The following NRXN3 variants were observed in gnomAD, a reference collection of about 807,000 sequenced individuals.
The protein encoded by NRXN3 is neurexin III.
In NRXN3, 32 loss-of-function variants were observed where a neutral mutation model predicts 137.6. That is an observed-to-expected ratio of 0.23 (90% CI 0.18 to 0.31). The LOEUF is 0.31. NRXN3 is among the 10% of genes least tolerant of loss of function. NRXN3 has a pLI of 1.00. For synonymous variants in NRXN3, 798 were observed against 784.5 expected, an observed-to-expected ratio of 1.02 and a Z score of -0.29; for missense variants, 1,574 against 2,062.5, an observed-to-expected ratio of 0.76 and a Z score of 4.59.
chr14:78,469,306 C>A (rs1158073835), intron 4 of NRXN3, among the ~76,000 whole-genome samples: 1 of 152,064 alleles, frequency 6.6e-6, no homozygotes, highest in Non-Finnish European at 1.5e-5. Flanking sequence ...GATGCCTGGG[C>A]CTCACTACCA....
chr14:79,330,994 G>C (rs1021382292), intron 15 of NRXN3, among the ~76,000 whole-genome samples: 2 of 152,058 alleles, frequency 1.3e-5, no homozygotes, highest in African/African-American at 4.8e-5. Flanking sequence ...TTGGCTAAAC[G>C]AGTATGGTGT....
chr14:79,218,126 A>G (rs969831733), intron 15 of NRXN3, among the ~76,000 whole-genome samples: 13 of 152,162 alleles, frequency 8.5e-5, no homozygotes, highest in Admixed American at 4.6e-4. Flanking sequence ...TTGACTTCTA[A>G]GAATGTAGAA....
Position 78,989,359 on chromosome 14 carries a change from G to A in NRXN3, c.3262+1218G>A, listed in dbSNP as rs143850673. On this transcript the variant is annotated intron_variant, in intron 15 of 20. Coordinates refer to ENST00000335750, the MANE Select transcript of NRXN3 (RefSeq NM_001330195.2). ...GCTGTCTGTTGTTGTTCTTTTTCCC[G>A]TTTTTTCTCAGTAGTTTTGGTCCCA... 5.9e-3 allele frequency among the ~76,000 whole-genome samples: 893 copies of A among 151,964 alleles called. 11 individuals are homozygous for A. Among genetic ancestry groups the A allele is most frequent in the African/African-American group, 0.019 (786 of 41,426 alleles).
chr14:79,788,712 G>A (rs1051273722), intron 19 of NRXN3, among the ~76,000 whole-genome samples: 2 of 152,082 alleles, frequency 1.3e-5, no homozygotes, highest in Non-Finnish European at 2.9e-5. Flanking sequence ...CCCTCAAATA[G>A]CAATCAAGTA....
intron 15 of NRXN3, among the ~76,000 whole-genome samples, chr14:79,084,710 C>T (rs1362109228): frequency 6.6e-6 from 1 of 151,956 alleles, no homozygotes; most frequent in African/African-American, 2.4e-5. Context: ...TTGGTTGGTT[C>T]TTATTTTTGT....
At chr14:78,259,095 G>A (rs1426209725) in intron 2 of NRXN3, among the ~76,000 whole-genome samples, 1 of 146,598 alleles carries the variant, frequency 6.8e-6, no homozygotes, top group Non-Finnish European at 1.5e-5. Context: ...TCGTGCTACT[G>A]CACTCCAGCC....
chr14:79,511,625 C>T lies in NRXN3; in HGVS notation c.3444+44223C>T, dbSNP rs373121734. 5.2e-4 allele frequency among the ~76,000 whole-genome samples: 79 copies of T among 152,252 alleles called. No homozygotes were observed. The South Asian group carries it at 5.6e-3, about 11-fold the overall frequency. On this transcript the variant is annotated intron_variant, in intron 16 of 20. Coordinates refer to ENST00000335750, the MANE Select transcript of NRXN3 (RefSeq NM_001330195.2). ...CATCTCTCTCAGTCTGACCATTGAG[C>T]GCTCTTAGTCAATCTTTGCAAACTT...
chr14:78,278,478 G>A (rs534682828), intron 2 of NRXN3, among the ~76,000 whole-genome samples, 167 bp from the exon 3 acceptor site: 1 of 152,132 alleles, frequency 6.6e-6, no homozygotes, highest in Non-Finnish European at 1.5e-5. Context: ...TTGGGTGAAG[G>A]TGGAACTAAG....
intron 19 of NRXN3, among the ~76,000 whole-genome samples, chr14:79,796,147 CT>C (rs1202590193): frequency 6.6e-6 from 1 of 152,036 alleles, no homozygotes; most frequent in African/African-American, 2.4e-5. Context: ...AAAGCCAGGC[CT>C]TTATATGTAT....
At chr14:78,494,949 A>G (rs2095747126) in intron 4 of NRXN3, among the ~76,000 whole-genome samples, 1 of 152,062 alleles carries the variant, frequency 6.6e-6, no homozygotes, top group African/African-American at 2.4e-5. Context: ...GGTTCTTCTG[A>G]GTAACTCACT....
intron 4 of NRXN3, among the ~76,000 whole-genome samples, chr14:78,547,237 C>G (rs2096644997): frequency 6.6e-6 from 1 of 150,818 alleles, no homozygotes; most frequent in Non-Finnish European, 1.5e-5. Context: ...GACGGAGTCT[C>G]TCTCTGTCGC....
At chr14:78,525,621 A>G (rs1030739877) in intron 4 of NRXN3, among the ~76,000 whole-genome samples, 8 of 152,200 alleles carry the variant, frequency 5.3e-5, no homozygotes, top group African/African-American at 1.9e-4. Flanking sequence ...ACTTCATGCC[A>G]TAATCACTTC....
chr14:78,446,257 A>G (rs1444400579), intron 4 of NRXN3, among the ~76,000 whole-genome samples: 1 of 151,746 alleles, frequency 6.6e-6, no homozygotes, highest in African/African-American at 2.4e-5. Context: ...TTTTTCCCCA[A>G]ATTTTATTTT....
intron 15 of NRXN3, among the ~76,000 whole-genome samples, chr14:79,320,568 C>A (rs1402258949): frequency 6.6e-6 from 1 of 152,104 alleles, no homozygotes; most frequent in Non-Finnish European, 1.5e-5. Context: ...CTGTGATAGG[C>A]CTTTGGGAAT....
chr14:78,667,788 CT>C lies in NRXN3; in HGVS notation c.1221+16472del, dbSNP rs561676051. ...ATCAAATGAGATTGTGATAGATTATCTTTTTTTTTTCTGAGATGAAGTTTTG... is the reference window on the plus strand; with the variant it reads ...ATCAAATGAGATTGTGATAGATTATCTTTTTTTTTCTGAGATGAAGTTTTG... On this transcript the variant is annotated intron_variant, in intron 6 of 20. Transcript: ENST00000335750. Among the ~76,000 whole-genome samples, 46 of 150,212 alleles carry C rather than the reference CT, an allele frequency of 3.1e-4. No individual in the cohort carries two copies. The East Asian group carries it at 7.2e-3, about 24-fold the overall frequency.
intron 15 of NRXN3, among the ~76,000 whole-genome samples, chr14:79,137,487 T>G (rs1227027806): frequency 6.6e-6 from 1 of 152,122 alleles, no homozygotes; most frequent in Admixed American, 6.5e-5. Flanking sequence ...TGGGCAATCA[T>G]GCAGAGCCCT....
chr14:78,606,586 GC>G (rs920142156), intron 4 of NRXN3, among the ~76,000 whole-genome samples: 2 of 152,176 alleles, frequency 1.3e-5, no homozygotes, highest in Non-Finnish European at 2.9e-5. Flanking sequence ...TAAGTGAAAA[GC>G]CATGTTTTAT....
chr14:79,373,355 A>C (rs951071466), intron 15 of NRXN3, among the ~76,000 whole-genome samples: 1 of 152,194 alleles, frequency 6.6e-6, no homozygotes, highest in African/African-American at 2.4e-5. Flanking sequence ...GCAATCCCAG[A>C]ATATTTGACT....
At chr14:78,652,167 C>G (rs932175000) in intron 6 of NRXN3, among the ~76,000 whole-genome samples, 1 of 152,176 alleles carries the variant, frequency 6.6e-6, no homozygotes, top group African/African-American at 2.4e-5. Context: ...GCCTGGTGTT[C>G]CCAAGGGTCT....
Sources: allele counts gnomAD v4.1 joint callset (sites outside exome capture counted in the v4.1 genomes callset), GRCh38; gene constraint gnomAD v4.1.1; transcripts MANE v1.5; gene names NCBI Gene and HGNC (gene_info 2026-07-23, HGNC 2026-07-21).